LRP1B: variants seen among roughly 807,000 people sequenced by gnomAD.
LRP1B encodes LDL receptor related protein 1B.
A neutral mutation model predicts 556.6 loss-of-function variants in LRP1B; 217 were observed. The observed-to-expected ratio is 0.39, with a 90% CI of 0.35 to 0.44. The LOEUF is 0.44. Ranked by LOEUF, LRP1B falls within the 20% of genes least tolerant of loss-of-function variation. The probability of loss-of-function intolerance (pLI) is 1.00; values close to 1 mark genes in which losing one functional copy is unlikely to be tolerated. For missense variants in LRP1B, 5,053 were observed against 5,620.8 expected, an observed-to-expected ratio of 0.90 and a Z score of 3.23; for synonymous variants, 2,047 against 1,865.8, an observed-to-expected ratio of 1.10 and a Z score of -2.50.
intron 3 of LRP1B, among the ~76,000 whole-genome samples, chr2:141,333,955 C>T (rs1687752104): frequency 6.6e-6 from 1 of 152,286 alleles, no homozygotes; most frequent in Admixed American, 6.5e-5. Flanking sequence ...CTTTTTAAAA[C>T]CATGGCCTCC....
intron 3 of LRP1B, among the ~76,000 whole-genome samples, chr2:141,311,517 A>C (rs1447429033): frequency 6.6e-6 from 1 of 152,118 alleles, no homozygotes; most frequent in Non-Finnish European, 1.5e-5. Context: ...CAAACTTCAC[A>C]TACTGGAAAC....
intron 49 of LRP1B, among the ~76,000 whole-genome samples, chr2:140,517,960 C>T (rs1319461553): frequency 2.6e-5 from 4 of 151,944 alleles, no homozygotes; most frequent in Admixed American, 6.6e-5. Context: ...CCTCCCGCCT[C>T]GGCCTCCCAA....
rs567354562 is a variant in LRP1B at position 141,350,992 on chromosome 2, A to T, written c.344-96351T>A. On this transcript the variant is annotated intron_variant, in intron 3 of 90. Transcript: ENST00000389484. ...CTTCACTGTATAATGACAAGAATTT[A>T]AAAAAATTTCAATACATATCCACTT... Among the ~76,000 whole-genome samples, 40 of 152,176 alleles carry T rather than the reference A, an allele frequency of 2.6e-4. 1 individual carries two copies. In the South Asian group the frequency reaches 4.6e-3, roughly 17 times the overall value.
intron 6 of LRP1B, among the ~76,000 whole-genome samples, chr2:141,193,316 C>T (rs1186490049): frequency 2.6e-5 from 4 of 151,848 alleles, no homozygotes; most frequent in Admixed American, 2.6e-4. Context: ...GCACCATTCA[C>T]AATAGCAAAG....
At chr2:140,572,768 C>T (rs201416255) in intron 43 of LRP1B, among the ~76,000 whole-genome samples, 5 of 138,348 alleles carry the variant, frequency 3.6e-5, no homozygotes, top group South Asian at 2.3e-4. Flanking sequence ...AAATGTGGTA[C>T]GTATACACAA....
chr2:140,311,876 T>A (rs1416307188), intron 83 of LRP1B, among the ~76,000 whole-genome samples: 49 of 152,016 alleles, frequency 3.2e-4, no homozygotes, highest in African/African-American at 1.1e-3. Context: ...ACTGTGGATT[T>A]TATGCCCCAC....
At chr2:141,957,397 CG>C (rs1488156473) in intron 1 of LRP1B, among the ~76,000 whole-genome samples, 7 of 20,734 alleles carry the variant, frequency 3.4e-4, no homozygotes, top group African/African-American at 7.0e-4. Context: ...GGGGGGGGGG[CG>C]GGGGGGTGTA....
intron 32 of LRP1B, among the ~76,000 whole-genome samples, chr2:140,777,220 G>C (rs1451309333): frequency 6.6e-6 from 1 of 152,104 alleles, no homozygotes; most frequent in African/African-American, 2.4e-5. Flanking sequence ...AACTCTATTT[G>C]GGCAATTAAA....
chr2:141,577,536 T>C (rs1223582896), intron 2 of LRP1B, among the ~76,000 whole-genome samples: 1 of 152,180 alleles, frequency 6.6e-6, no homozygotes, highest in Non-Finnish European at 1.5e-5. Context: ...ATGATCACCG[T>C]ACCATGACAC....
At chr2:141,514,768 A>G (rs879383305) in intron 2 of LRP1B, among the ~76,000 whole-genome samples, 3 of 152,206 alleles carry the variant, frequency 2.0e-5, no homozygotes, top group Non-Finnish European at 4.4e-5. Flanking sequence ...GTTGGGCAAA[A>G]TTATCTGAAA....
chr2:140,354,319 C>T lies in LRP1B; in HGVS notation c.11531-1247G>A, dbSNP rs114105776. On this transcript the variant is annotated intron_variant, in intron 75 of 90. Coordinates refer to ENST00000389484, the MANE Select transcript of LRP1B (RefSeq NM_018557.3). ...AGGTAGAGACACTTGTAAATCACAA[C>T]GTCAAGGCTTAAACTCAGGTTTTCT... Among the ~76,000 whole-genome samples the T allele has an allele frequency of 2.4e-3, 367 of 152,192 alleles. 2 individuals are homozygous for T. The highest frequency in any genetic ancestry group is 8.1e-3 in the African/African-American group (336 of 41,552).
rs570872172 is a variant in LRP1B at position 141,789,059 on chromosome 2, T to C, written c.205+21220A>G. 3.1e-4 allele frequency among the ~76,000 whole-genome samples: 47 copies of C among 152,150 alleles called. 2 individuals are homozygous for C. Among genetic ancestry groups the C allele is most frequent in the Middle Eastern group, 6.8e-3 (2 of 294 alleles). On this transcript the variant is annotated intron_variant, in intron 2 of 90. Coordinates refer to ENST00000389484, the MANE Select transcript of LRP1B (RefSeq NM_018557.3). ...TTTGGGTATATACCCAGTAATGGGATGCCTGGGTCAAATGGTGTTTCTAGT... is the reference window on the plus strand; with the variant it reads ...TTTGGGTATATACCCAGTAATGGGACGCCTGGGTCAAATGGTGTTTCTAGT...
At chr2:140,667,795 A>T (rs1685332120) in intron 41 of LRP1B, among the ~76,000 whole-genome samples, 1 of 152,182 alleles carries the variant, frequency 6.6e-6, no homozygotes, top group African/African-American at 2.4e-5. Flanking sequence ...TAAGACATTA[A>T]TTACATTCTG....
intron 7 of LRP1B, among the ~76,000 whole-genome samples, chr2:141,124,461 G>T (rs1360129742): frequency 6.6e-6 from 1 of 151,984 alleles, no homozygotes; most frequent in African/African-American, 2.4e-5. Flanking sequence ...GCAATTCCAT[G>T]ACATTCTACT....
At chr2:141,514,733 T>C (rs913564833) in intron 2 of LRP1B, among the ~76,000 whole-genome samples, 1 of 152,220 alleles carries the variant, frequency 6.6e-6, no homozygotes, top group Non-Finnish European at 1.5e-5. Flanking sequence ...TTTAAACATG[T>C]TATGAACACT....
intron 3 of LRP1B, among the ~76,000 whole-genome samples, chr2:141,317,740 A>G (rs1687085974): frequency 6.6e-6 from 1 of 152,190 alleles, no homozygotes; most frequent in Non-Finnish European, 1.5e-5. Context: ...GGTAACTTAA[A>G]TCCATCTCTG....
At chr2:140,683,684 CT>C in intron 41 of LRP1B, 1 of 708,840 alleles carries the variant, frequency 1.4e-6, no homozygotes, top group Non-Finnish European at 2.6e-6. Context: ...GAATGGGTGC[CT>C]TCACTCCGGG....
chr2:140,912,906 T>C (rs1477735226), intron 21 of LRP1B, among the ~76,000 whole-genome samples: 1 of 151,824 alleles, frequency 6.6e-6, no homozygotes, highest in Non-Finnish European at 1.5e-5. Flanking sequence ...CTCTTGACCA[T>C]GTTCTGAAAT....
In LRP1B at chr2:140,375,514, A is replaced by G. The variant is rs191743264; in HGVS notation, c.10639-2377T>C. On this transcript the variant is annotated intron_variant, in intron 68 of 90. Transcript: ENST00000389484. ...AGATGTAGAAATCATATATTTTTAGAAAGAGAAAGATTAATCAAGATCTTA... is the reference window on the plus strand; with the variant it reads ...AGATGTAGAAATCATATATTTTTAGGAAGAGAAAGATTAATCAAGATCTTA... 1.1e-3 allele frequency among the ~76,000 whole-genome samples: 161 copies of G among 152,266 alleles called. 1 individual carries two copies. Among genetic ancestry groups the G allele is most frequent in the Non-Finnish European group, 1.7e-3 (114 of 68,004 alleles).
Sources: gnomAD v4.1 joint callset for allele counts (sites outside exome capture counted in the v4.1 genomes callset) on GRCh38, gnomAD v4.1.1 for gene constraint, MANE v1.5 for transcripts, NCBI Gene and HGNC (gene_info 2026-07-23, HGNC 2026-07-21) for gene names.